The following GCLC variants were observed in gnomAD, a reference collection of about 807,000 sequenced individuals.
GCLC encodes glutamate--cysteine ligase catalytic subunit.
A neutral mutation model predicts 81.5 loss-of-function variants in GCLC; 30 were observed. The observed-to-expected ratio is 0.37, with a 90% CI of 0.28 to 0.50. The LOEUF (loss-of-function observed/expected upper bound fraction) is 0.50. GCLC is among the 20% of genes least tolerant of loss of function. The probability of loss-of-function intolerance (pLI) is 0.96; values close to 1 mark genes in which losing one functional copy is unlikely to be tolerated. For synonymous variants in GCLC, 262 were observed against 273.3 expected, an observed-to-expected ratio of 0.96 and a Z score of 0.41; for missense variants, 556 against 777.4, an observed-to-expected ratio of 0.72 and a Z score of 3.39.
intron 12 of GCLC, chr6:53,503,185 A>C (rs1187243983): frequency 6.6e-6 from 1 of 152,262 alleles, no homozygotes; most frequent in African/African-American, 2.4e-5. Context: ...GGTATTACGA[A>C]GAGACATCTG....
chr6:53,506,667 AT>A lies in GCLC; in HGVS notation c.1197+245del. 2.2e-6 allele frequency: 1 copy of A among 452,286 alleles called. No individual in the cohort carries two copies. The highest frequency in any genetic ancestry group is 4.0e-6 in the Non-Finnish European group (1 of 251,810). The allele number at this position is 452,286 out of a possible 1,614,324, so 28.0% of individuals were successfully genotyped here. On this transcript the variant is annotated intron_variant, in intron 10 of 15. Transcript: ENST00000650454. The surrounding 1 kb of genome is among the most constrained non-coding windows in gnomAD (Gnocchi z 4.0). ...AAAATACTGAACAATAAAAAAAAAA[AT>A]TAGAATCAGTGAGATAAACAGTAAG...
Position 53,520,876 on chromosome 6 carries a change from C to T in GCLC, c.348G>A (p.Glu116=). 6.2e-7 allele frequency: 1 copy of T among 1,613,968 alleles called. No homozygotes were observed. The highest frequency in any genetic ancestry group is 8.5e-7 in the Non-Finnish European group (1 of 1,179,788). The change falls in exon 3 of 16, where the codon GAG becomes GAA. Residue 116 remains glutamate, a synonymous_variant. Transcript: ENST00000650454. Reference sequence around the variant, plus strand: ...GCATGTTGGCCTCAACTGTATTGAACTCGGACATTGTTCCTCCGTAGGGCT... The same window carrying T: ...GCATGTTGGCCTCAACTGTATTGAATTCGGACATTGTTCCTCCGTAGGGCT... ...PGQPYGGTMS[E]FNTVEANMRK...
chr6:53,527,406 A>G (rs1253856300), intron 1 of GCLC, among the ~76,000 whole-genome samples: 1 of 152,194 alleles, frequency 6.6e-6, no homozygotes, highest in Non-Finnish European at 1.5e-5. Flanking sequence ...ACAAGCCTGC[A>G]ACCATTTTGA....
In GCLC at chr6:53,500,221, G is replaced by C. The variant is rs661346; in HGVS notation, c.1581+26C>G. On this transcript the variant is annotated intron_variant, in intron 14 of 15. Transcript: ENST00000650454. ...CTGCCGGGGGATGTGCACAGTGAGG[G>C]GTACTGTACAGGGCCACCCTCCTAC... 1,611,395 of 1,613,622 alleles carry C rather than the reference G, an allele frequency of 1. 804,592 individuals are homozygous for C. The highest frequency in any genetic ancestry group is 1 in the East Asian group (44,854 of 44,854).
Position 53,498,683 on chromosome 6 carries a change from A to G in GCLC, c.*73T>C. The G allele has an allele frequency of 1.1e-6, 1 of 894,338 alleles. No homozygotes were observed. The highest frequency in any genetic ancestry group is 1.8e-6 in the Non-Finnish European group (1 of 555,972). The allele number at this position is 894,338 out of a possible 1,614,324, so 55.4% of individuals were successfully genotyped here. A position where few individuals can be genotyped will look rare whatever the true frequency, so the allele number is the denominator to read the frequency against. On this transcript the variant is annotated 3_prime_UTR_variant, in exon 16 of 16. Coordinates refer to ENST00000650454, the MANE Select transcript of GCLC (RefSeq NM_001498.4). ...TTCTATCATTTGGTCTTCATATTAT[A>G]CACACGGGCTGGCTGAGAGGCATGG...
intron 1 of GCLC, among the ~76,000 whole-genome samples, chr6:53,525,560 T>C (rs1404852165): frequency 6.6e-6 from 1 of 152,228 alleles, no homozygotes; most frequent in Non-Finnish European, 1.5e-5. Flanking sequence ...TGCCTTTCTG[T>C]ATCACAACAC....
intron 1 of GCLC, among the ~76,000 whole-genome samples, chr6:53,542,607 G>A (rs573509244): frequency 3.7e-4 from 57 of 152,066 alleles, no homozygotes; most frequent in Non-Finnish European, 6.5e-4. Context: ...TCTCCAGAAG[G>A]AGTTGCTGAG....
chr6:53,503,017 T>C (rs76903016), intron 12 of GCLC, among the ~76,000 whole-genome samples: 2,479 of 152,322 alleles, frequency 0.016, 65 homozygotes, highest in African/African-American at 0.056. Context: ...TCTCCTTCCA[T>C]ATCCCCTTAC....
Position 53,500,282 on chromosome 6 carries a change from T to C in GCLC, c.1546A>G (p.Thr516Ala), listed in dbSNP as rs1180012147. The C allele has an allele frequency of 1.2e-6, 2 of 1,613,984 alleles. No individual in the cohort carries two copies. The highest frequency in any genetic ancestry group is 1.7e-6 in the Non-Finnish European group (2 of 1,179,990). Residue 516 changes from threonine (T) to alanine (A), a missense_variant, in exon 14 of 16, where the codon ACC becomes GCC. Around this residue, in one of 3 missense-constraint regions of GCLC, gnomAD observed 313 missense variants for 437.3 expected, o/e 0.72. Coordinates refer to ENST00000650454, the MANE Select transcript of GCLC (RefSeq NM_001498.4). The stretch of plus-strand genomic sequence containing the variant: ...ATGATGGTGTCTATGCTCATGAGGG[T>C]GTACTCCTCTGCAGCGAGCTCCGTG... ...NSTELAAEEY[T>A]LMSIDTIING...
At chr6:53,500,765 T>A (rs976675999) in intron 12 of GCLC, 1 of 536,122 alleles carries the variant, frequency 1.9e-6, no homozygotes, top group African/African-American at 1.9e-5. Flanking sequence ...CTTATATTCA[T>A]GTGGAACGTC....
chr6:53,544,744 G>T lies in GCLC; in HGVS notation c.-99C>A. The T allele has an allele frequency of 1.7e-6, 2 of 1,206,820 alleles. No homozygotes were observed. Among genetic ancestry groups the T allele is most frequent in the Non-Finnish European group, 2.3e-6 (2 of 887,088 alleles). The allele number at this position is 1,206,820 out of a possible 1,614,324, so 74.8% of individuals were successfully genotyped here. A position where few individuals can be genotyped will look rare whatever the true frequency, so the allele number is the denominator to read the frequency against. On this transcript the variant is annotated 5_prime_UTR_variant, in exon 1 of 16. Transcript: ENST00000650454. ...CAGCCGCCCGCAGAAGGCGGCTGCC[G>T]CTCCACCCCGCGGGGGCGCTCTCGG...
chr6:53,500,807 TG>T (rs2127618790), intron 12 of GCLC: 1 of 452,280 alleles, frequency 2.2e-6, no homozygotes, highest in South Asian at 2.1e-5. Context: ...GACTGAGCCT[TG>T]CAACAGATAT....
chr6:53,532,968 C>CG (rs1763198141), intron 1 of GCLC, among the ~76,000 whole-genome samples: 1 of 152,176 alleles, frequency 6.6e-6, no homozygotes, highest in Admixed American at 6.5e-5. Context: ...CATAGAAACT[C>CG]GCTCAGAACA....
intron 11 of GCLC, 49 bp downstream of exon 11, chr6:53,505,754 T>C: frequency 9.5e-7 from 1 of 1,047,632 alleles, no homozygotes. Context: ...GATGAACAGC[T>C]GGCGAAAGAG....
intron 12 of GCLC, 75 bp from the exon 13 acceptor site, chr6:53,500,588 C>T: frequency 9.8e-7 from 1 of 1,016,860 alleles, no homozygotes; most frequent in Non-Finnish European, 1.6e-6. Flanking sequence ...CCTTCCTCAC[C>T]TTTGCAATTA....
intron 1 of GCLC, among the ~76,000 whole-genome samples, chr6:53,526,690 A>C (rs1002164579): frequency 6.6e-6 from 1 of 151,562 alleles, no homozygotes; most frequent in Non-Finnish European, 1.5e-5. Context: ...CCCAGCTACT[A>C]AGGAGGCTGA....
chr6:53,541,313 G>C (rs1488735095), intron 1 of GCLC, among the ~76,000 whole-genome samples: 2 of 152,338 alleles, frequency 1.3e-5, no homozygotes, highest in African/African-American at 4.8e-5. Context: ...GCGCGGGGGA[G>C]ACCAAGGTTT....
chr6:53,512,437 T>A (rs1282862705), intron 6 of GCLC, among the ~76,000 whole-genome samples: 1 of 152,128 alleles, frequency 6.6e-6, no homozygotes, highest in Non-Finnish European at 1.5e-5. Flanking sequence ...ACATAATAGA[T>A]GTACACAGTT....
At chr6:53,521,902 A>C (rs546432452) in intron 2 of GCLC, among the ~76,000 whole-genome samples, 25 of 152,314 alleles carry the variant, frequency 1.6e-4, no homozygotes, top group Admixed American at 3.9e-4. Context: ...TGAAGCCAGG[A>C]GGTGGAGCTT....
Sources: allele counts gnomAD v4.1 joint callset (sites outside exome capture counted in the v4.1 genomes callset), GRCh38; gene constraint gnomAD v4.1.1; regional missense constraint gnomAD v4.1.1; non-coding constraint Gnocchi (gnomAD v3.1); transcripts MANE v1.5; gene names NCBI Gene and HGNC (gene_info 2026-07-23, HGNC 2026-07-21).